STK24: variants seen among roughly 807,000 people sequenced by gnomAD.
STK24 encodes the protein serine/threonine-protein kinase 24.
In STK24, 21 loss-of-function variants were observed where a neutral mutation model predicts 55.6. The ratio of observed to expected loss-of-function variants is 0.38; its 90% CI spans 0.27 to 0.54. The LOEUF (loss-of-function observed/expected upper bound fraction) is 0.54. Among genes scored for constraint, STK24 ranks in the 20% least tolerant of loss-of-function variants. The pLI, the probability that STK24 is intolerant of heterozygous loss-of-function variation, is 0.79. For missense variants in STK24, 383 were observed against 538.4 expected, an observed-to-expected ratio of 0.71 and a Z score of 2.86; for synonymous variants, 200 against 215.2, an observed-to-expected ratio of 0.93 and a Z score of 0.62.
At chr13:98,475,844 C>T (rs553394243) in intron 3 of STK24, among the ~76,000 whole-genome samples, 1 of 152,006 alleles carries the variant, frequency 6.6e-6, no homozygotes, top group African/African-American at 2.4e-5. Context: ...TATGTGGTTC[C>T]CTTACCAGAA....
At chr13:98,551,899 A>T (rs1182658578) in intron 1 of STK24, among the ~76,000 whole-genome samples, 1 of 152,230 alleles carries the variant, frequency 6.6e-6, no homozygotes. Flanking sequence ...GAGTATGAAA[A>T]GCACTTAAGT....
intron 2 of STK24, among the ~76,000 whole-genome samples, chr13:98,504,286 G>A (rs563506739): frequency 9.8e-5 from 15 of 152,302 alleles, no homozygotes; most frequent in African/African-American, 3.6e-4. Context: ...AACAGAGCAG[G>A]AGAAAGTAGA....
At chr13:98,476,381 G>T (rs1329955545) in intron 3 of STK24, among the ~76,000 whole-genome samples, 1 of 152,184 alleles carries the variant, frequency 6.6e-6, no homozygotes, top group African/African-American at 2.4e-5. Context: ...TGCAGGTAGG[G>T]TTCCCCCAAA....
Position 98,451,214 on chromosome 13 carries a change from G to C in STK24, c.*1959C>G, listed in dbSNP as rs1023746588. 6.6e-6 allele frequency: 1 copy of C among 152,112 alleles called. No individual in the cohort carries two copies. The highest frequency in any genetic ancestry group is 2.4e-5 in the African/African-American group (1 of 41,414). 9.4% of individuals were successfully genotyped at this position (152,112 alleles called of 1,614,324 possible). ...CCGCCCTGGCTCACTTAAAAATCAGGTAACGGCACACCCTGGGGAACACAG... is the reference window on the plus strand; with the variant it reads ...CCGCCCTGGCTCACTTAAAAATCAGCTAACGGCACACCCTGGGGAACACAG... On this transcript the variant is annotated 3_prime_UTR_variant, in exon 11 of 11. Transcript: ENST00000539966.
intron 1 of STK24, among the ~76,000 whole-genome samples, chr13:98,558,229 A>G (rs1480458871): frequency 6.6e-6 from 1 of 152,038 alleles, no homozygotes; most frequent in African/African-American, 2.4e-5. Flanking sequence ...TGGCTGATAT[A>G]CCACCTATTA....
At chr13:98,505,804 C>A (rs941035466) in intron 2 of STK24, among the ~76,000 whole-genome samples, 11 of 152,206 alleles carry the variant, frequency 7.2e-5, no homozygotes, top group African/African-American at 2.7e-4. Context: ...ATCAACACAT[C>A]ATTTCCTTGA....
rs370118310 is a variant in STK24 at position 98,459,560 on chromosome 13, G to A, written c.1122+812C>T. Reference sequence around the variant, plus strand: ...GGCCCATGGCCGGGGGTCCCCCGCTGCGTGACGCAGGCACAGGGGAGGAGA... The same window carrying A: ...GGCCCATGGCCGGGGGTCCCCCGCTACGTGACGCAGGCACAGGGGAGGAGA... On this transcript the variant is annotated intron_variant, in intron 9 of 10. Coordinates refer to ENST00000539966, the MANE Select transcript of STK24 (RefSeq NM_001032296.4). Among the ~76,000 whole-genome samples, 8 of 152,244 alleles carry A rather than the reference G, an allele frequency of 5.3e-5. No individual in the cohort carries two copies. The East Asian group carries it at 1.2e-3, about 22-fold the overall frequency.
intron 1 of STK24, among the ~76,000 whole-genome samples, chr13:98,533,960 A>T (rs552749274): frequency 2.0e-5 from 3 of 152,040 alleles, no homozygotes; most frequent in Admixed American, 6.6e-5. Flanking sequence ...CTGGAGTCAC[A>T]CTCCTTCTCA....
intron 5 of STK24, 29 bp from the exon 6 acceptor site, chr13:98,466,590 A>C (rs1407211806): frequency 3.1e-6 from 5 of 1,608,458 alleles, no homozygotes; most frequent in Non-Finnish European, 4.2e-6. Context: ...CTTTACAAAC[A>C]CCAAGCAGGA....
chr13:98,485,984 G>A (rs1894789824), intron 2 of STK24, among the ~76,000 whole-genome samples: 1 of 152,136 alleles, frequency 6.6e-6, no homozygotes. Flanking sequence ...AGAAATGGGA[G>A]GAAGCGGAAG....
chr13:98,496,502 G>A (rs887262765), intron 2 of STK24, among the ~76,000 whole-genome samples: 2 of 152,324 alleles, frequency 1.3e-5, no homozygotes, highest in African/African-American at 4.8e-5. Context: ...AATGACTAGG[G>A]TAACTCAATG....
Position 98,448,341 on chromosome 13 carries a change from A to C in STK24, c.*4832T>G. 1 of 1,544,760 alleles carries C rather than the reference A, an allele frequency of 6.5e-7. No individual in the cohort carries two copies. Among genetic ancestry groups the C allele is most frequent in the Non-Finnish European group, 9.0e-7 (1 of 1,116,626 alleles). ...GATGGCCGGACACACTCGTTTCCGC[A>C]GTGGCTGCTTTCCTGGAAGACGTTT... On this transcript the variant is annotated 3_prime_UTR_variant, in exon 11 of 11. Transcript: ENST00000539966.
chr13:98,493,056 A>C (rs1895102425), intron 2 of STK24, among the ~76,000 whole-genome samples: 1 of 152,250 alleles, frequency 6.6e-6, no homozygotes, highest in Non-Finnish European at 1.5e-5. Flanking sequence ...AAAGTACATC[A>C]ATTTATGAAA....
chr13:98,535,362 A>G (rs1291757367), intron 1 of STK24, among the ~76,000 whole-genome samples: 3 of 15,658 alleles, frequency 1.9e-4, no homozygotes, highest in Non-Finnish European at 4.5e-4. Flanking sequence ...ACAAACAAAC[A>G]AAAAAAAAAT....
chr13:98,456,267 G>A (rs1035251953), intron 10 of STK24: 11 of 345,834 alleles, frequency 3.2e-5, no homozygotes, highest in East Asian at 3.1e-4. Context: ...GGGACCTCAC[G>A]TGTGCAAAAC....
Position 98,446,469 on chromosome 13 carries a change from A to C in STK24, c.*6704T>G. 1.6e-6 allele frequency: 1 copy of C among 621,630 alleles called. No individual in the cohort carries two copies. The highest frequency in any genetic ancestry group is 2.0e-5 in the South Asian group (1 of 51,094). The allele number at this position is 621,630 out of a possible 1,614,324, so 38.5% of individuals were successfully genotyped here. A position where few individuals can be genotyped will look rare whatever the true frequency, so the allele number is the denominator to read the frequency against. On this transcript the variant is annotated 3_prime_UTR_variant, in exon 11 of 11. Coordinates refer to ENST00000539966, the MANE Select transcript of STK24 (RefSeq NM_001032296.4). ...CAAGGGACGGGGGTTGGCTTTATCT[A>C]CAGCTCAGTCCTGGCGGGACTTGCC...
intron 2 of STK24, among the ~76,000 whole-genome samples, chr13:98,492,951 G>C (rs1170519467): frequency 3.3e-5 from 5 of 152,116 alleles, no homozygotes; most frequent in Admixed American, 6.5e-5. Flanking sequence ...AATTTCTAAA[G>C]GATTCCAGTA....
chr13:98,534,181 A>AG (rs1896652162), intron 1 of STK24, among the ~76,000 whole-genome samples: 1 of 152,168 alleles, frequency 6.6e-6, no homozygotes, highest in Admixed American at 6.5e-5. Flanking sequence ...GCCCTGCCCC[A>AG]GGATCTCTCA....
intron 5 of STK24, among the ~76,000 whole-genome samples, chr13:98,469,600 C>A (rs1177883511): frequency 6.6e-6 from 1 of 151,844 alleles, no homozygotes; most frequent in Non-Finnish European, 1.5e-5. Context: ...GCCAGGGACA[C>A]GAGGGTCACC....
Sources: gnomAD v4.1 joint callset for allele counts (sites outside exome capture counted in the v4.1 genomes callset) on GRCh38, gnomAD v4.1.1 for gene constraint, MANE v1.5 for transcripts, NCBI Gene and HGNC (gene_info 2026-07-23, HGNC 2026-07-21) for gene names.